RNF169: variants seen among roughly 807,000 people sequenced by gnomAD.
The protein encoded by RNF169 is E3 ubiquitin-protein ligase RNF169.
In RNF169, 24 loss-of-function variants were observed where a neutral mutation model predicts 53.9. That is an observed-to-expected ratio of 0.45 (90% CI 0.32 to 0.63). RNF169 has a LOEUF of 0.63. Ranked by LOEUF, RNF169 falls within the 20% of genes least tolerant of loss-of-function variation. RNF169 has a pLI of 0.04. For missense variants in RNF169, 883 were observed against 906.2 expected (o/e 0.97, Z 0.33); for synonymous variants, 396 against 363.5 (o/e 1.09, Z -1.02).
chr11:74,764,278 A>G (rs983887300), intron 1 of RNF169, among the ~76,000 whole-genome samples: 1 of 152,256 alleles, frequency 6.6e-6, no homozygotes, highest in Non-Finnish European at 1.5e-5. Context: ...GCACGCCTAT[A>G]GTCCCAGCAC....
At chr11:74,789,536 A>T (rs2035551923) in intron 1 of RNF169, 90 bp from the exon 2 acceptor site, 1 of 727,190 alleles carries the variant, frequency 1.4e-6, no homozygotes, top group Non-Finnish European at 2.4e-6. Flanking sequence ...GATTTTTATC[A>T]TCTATTTATA....
intron 4 of RNF169, among the ~76,000 whole-genome samples, chr11:74,820,217 T>TG: frequency 6.6e-6 from 1 of 152,214 alleles, no homozygotes; most frequent in East Asian, 1.9e-4. Flanking sequence ...AAGAAGCAGA[T>TG]GCAGAGAACT....
intron 3 of RNF169, among the ~76,000 whole-genome samples, chr11:74,812,826 CTT>C (rs2035891889): frequency 6.6e-6 from 1 of 152,192 alleles, no homozygotes; most frequent in African/African-American, 2.4e-5. Flanking sequence ...AATGACTCCT[CTT>C]TTCTTGTGAA....
At chr11:74,822,999 T>C (rs1221481024) in intron 4 of RNF169, among the ~76,000 whole-genome samples, 2 of 152,226 alleles carry the variant, frequency 1.3e-5, no homozygotes, top group Non-Finnish European at 2.9e-5. Context: ...TTGGGCACTT[T>C]AAATCCTAAG....
chr11:74,835,638 C>A lies in RNF169; in HGVS notation c.1035C>A (p.Ile345=). 1 of 1,614,182 alleles carries A rather than the reference C, an allele frequency of 6.2e-7. No individual in the cohort carries two copies. The highest frequency in any genetic ancestry group is 8.5e-7 in the Non-Finnish European group (1 of 1,180,034). ...NRCVSAPDLT[I]EKRLPFSSLS... is the part of the protein sequence containing the mutation. ...GCGTCTCGGCCCCTGACTTAACCAT[C>A]GAAAAGCGTCTACCCTTCAGCTCCC... Residue 345 remains isoleucine (I), a synonymous_variant, in exon 6 of 6, where the codon ATC becomes ATA. Transcript: ENST00000299563.
chr11:74,770,106 C>A (rs1324520647), intron 1 of RNF169, among the ~76,000 whole-genome samples: 1 of 152,070 alleles, frequency 6.6e-6, no homozygotes, highest in Admixed American at 6.6e-5. Flanking sequence ...ACTACTGTTT[C>A]ACAGTTTGAT....
At chr11:74,799,069 A>C (rs1016690451) in intron 2 of RNF169, among the ~76,000 whole-genome samples, 6 of 91,494 alleles carry the variant, frequency 6.6e-5, no homozygotes, top group Admixed American at 4.3e-4. Context: ...AAGAAAAAAA[A>C]AAAAAGATTT....
At chr11:74,780,926 A>T (rs568594032) in intron 1 of RNF169, among the ~76,000 whole-genome samples, 6 of 152,328 alleles carry the variant, frequency 3.9e-5, no homozygotes, top group African/African-American at 1.4e-4. Flanking sequence ...CAAGGCAACC[A>T]GAACCTGAGG....
At chr11:74,805,197 C>T (rs1278918420) in intron 2 of RNF169, among the ~76,000 whole-genome samples, 2 of 152,146 alleles carry the variant, frequency 1.3e-5, no homozygotes, top group Non-Finnish European at 2.9e-5. Context: ...ATATCTTATC[C>T]GTATAAAGGA....
At position 74,749,335 on chromosome 11, in the gene RNF169, C is replaced by G; in HGVS notation, c.455C>G (p.Ala152Gly). 1 of 1,211,148 alleles carries G rather than the reference C, an allele frequency of 8.3e-7. No homozygotes were observed. The highest frequency in any genetic ancestry group is 1.6e-5 in the African/African-American group (1 of 63,746). The allele number at this position is 1,211,148 out of a possible 1,614,324, so 75.0% of individuals were successfully genotyped here. A position where few individuals can be genotyped will look rare whatever the true frequency, so the allele number is the denominator to read the frequency against. The change falls in exon 1 of 6, where the codon GCG becomes GGG. Residue 152 changes from alanine (A) to glycine (G), a missense_variant. Ala to Gly is a moderately conservative substitution (Grantham distance 60). This residue lies in a region of RNF169 where 313 missense variants were observed against 279.9 expected (regional missense o/e 1.12). Coordinates refer to ENST00000299563, the MANE Select transcript of RNF169 (RefSeq NM_001098638.2). Reference protein sequence around the residue: ...RPRRDGGAAAAGPRPEQEPRA... With the variant: ...RPRRDGGAAAGGPRPEQEPRA... The stretch of plus-strand genomic sequence containing the variant: ...CGCCGGGACGGGGGCGCGGCTGCCG[C>G]GGGGCCCAGGCCAGAGCAGGAGCCG...
intron 1 of RNF169, among the ~76,000 whole-genome samples, chr11:74,779,187 T>A (rs2135336361): frequency 6.6e-6 from 1 of 152,312 alleles, no homozygotes; most frequent in Non-Finnish European, 1.5e-5. Context: ...TTAGATAGAT[T>A]CCTAGAAATT....
At chr11:74,821,466 G>A (rs1311441389) in intron 4 of RNF169, among the ~76,000 whole-genome samples, 11 of 122,350 alleles carry the variant, frequency 9.0e-5, no homozygotes, top group Admixed American at 3.8e-4. Context: ...AGACCATCCC[G>A]GCTAAAATGG....
chr11:74,814,850 T>C (rs937556315), intron 3 of RNF169, among the ~76,000 whole-genome samples: 25 of 152,338 alleles, frequency 1.6e-4, no homozygotes, highest in African/African-American at 5.8e-4. Context: ...TATTAGTTCC[T>C]TAGAATAAAT....
chr11:74,763,847 G>GT (rs1163190174), intron 1 of RNF169, among the ~76,000 whole-genome samples: 2 of 152,148 alleles, frequency 1.3e-5, no homozygotes, highest in African/African-American at 4.8e-5. Flanking sequence ...CTAGCAAGAG[G>GT]TTTTTTGTTT....
At chr11:74,776,190 CATGT>C (rs1364195879) in intron 1 of RNF169, among the ~76,000 whole-genome samples, 1 of 152,114 alleles carries the variant, frequency 6.6e-6, no homozygotes, top group Non-Finnish European at 1.5e-5. Context: ...TTTTTCCTCA[CATGT>C]ATGTACAACT....
intron 1 of RNF169, among the ~76,000 whole-genome samples, chr11:74,752,692 A>G (rs1342464342): frequency 2.0e-5 from 3 of 151,990 alleles, no homozygotes; most frequent in Non-Finnish European, 2.9e-5. Context: ...ATTTTTATAC[A>G]AAAGGTTGTA....
At chr11:74,822,506 G>A (rs1480099655) in intron 4 of RNF169, among the ~76,000 whole-genome samples, 1 of 152,212 alleles carries the variant, frequency 6.6e-6, no homozygotes, top group Non-Finnish European at 1.5e-5. Flanking sequence ...TATGTGTTCA[G>A]ATAGACAGAG....
Position 74,817,690 on chromosome 11 carries a change from C to A in RNF169, c.818C>A (p.Ser273Tyr), listed in dbSNP as rs1591425006. 2 of 1,611,928 alleles carry A rather than the reference C, an allele frequency of 1.2e-6. No homozygotes were observed. Among genetic ancestry groups the A allele is most frequent in the Non-Finnish European group, 1.7e-6 (2 of 1,177,984 alleles). ...HRSAFVSKNN[S>Y]YSLAFLAGKL... ...TCGGCATTTGTTTCCAAGAACAACT[C>A]CTACTCCTTAGCTTTCCTGGCAGGG... The change falls in exon 4 of 6, where the codon TCC becomes TAC. Residue 273 changes from serine to tyrosine, a missense_variant. Transcript: ENST00000299563.
chr11:74,784,902 A>G (rs965120444), intron 1 of RNF169, among the ~76,000 whole-genome samples: 4 of 151,830 alleles, frequency 2.6e-5, no homozygotes, highest in Admixed American at 6.6e-5. Flanking sequence ...TGCTGTGTCA[A>G]CTCTTTGCTG....
Sources: gnomAD v4.1 joint callset for allele counts (sites outside exome capture counted in the v4.1 genomes callset) on GRCh38, gnomAD v4.1.1 for gene constraint, gnomAD v4.1.1 regional missense constraint, MANE v1.5 for transcripts, NCBI Gene and HGNC (gene_info 2026-07-23, HGNC 2026-07-21) for gene names.